The following SORCS3 variants were observed in gnomAD, a reference collection of about 807,000 sequenced individuals.
SORCS3 encodes VPS10 domain-containing receptor SorCS3.
In SORCS3, 57 loss-of-function variants were observed where a neutral mutation model predicts 146.3. That is an observed-to-expected ratio of 0.39 (90% CI 0.31 to 0.49). The LOEUF (loss-of-function observed/expected upper bound fraction) is 0.49, where lower values mean the gene tolerates loss of function less well. Ranked by LOEUF, SORCS3 falls within the 20% of genes least tolerant of loss-of-function variation. The probability of loss-of-function intolerance (pLI) is 0.92; values close to 1 mark genes in which losing one functional copy is unlikely to be tolerated. For missense variants in SORCS3, 1,341 were observed against 1,575.5 expected, an observed-to-expected ratio of 0.85 and a Z score of 2.52; for synonymous variants, 653 against 618.5, an observed-to-expected ratio of 1.06 and a Z score of -0.83.
At chr10:105,151,784 TAG>T (rs1420351323) in intron 9 of SORCS3, among the ~76,000 whole-genome samples, 1 of 152,146 alleles carries the variant, frequency 6.6e-6, no homozygotes, top group Non-Finnish European at 1.5e-5. Context: ...TCTCCTGCTG[TAG>T]AGAGATTCTC....
intron 7 of SORCS3, among the ~76,000 whole-genome samples, chr10:105,132,984 A>C (rs1315755562): frequency 1.3e-5 from 2 of 152,224 alleles, no homozygotes; most frequent in Admixed American, 6.5e-5. Flanking sequence ...ACTAAACTTT[A>C]TTTCTTTCTT....
At chr10:104,926,320 CA>C (rs1178299384) in intron 3 of SORCS3, among the ~76,000 whole-genome samples, 1 of 152,208 alleles carries the variant, frequency 6.6e-6, no homozygotes, top group Non-Finnish European at 1.5e-5. Flanking sequence ...TTTGTTAATT[CA>C]CAGCCATCTC....
chr10:104,836,842 C>T (rs2018074545), intron 1 of SORCS3, among the ~76,000 whole-genome samples: 1 of 152,050 alleles, frequency 6.6e-6, no homozygotes, highest in Non-Finnish European at 1.5e-5. Flanking sequence ...AACTAGAATG[C>T]TGCCCCTACC....
At chr10:104,751,959 A>ATATATATATG (rs2016992117) in intron 1 of SORCS3, among the ~76,000 whole-genome samples, 2 of 112,032 alleles carry the variant, frequency 1.8e-5, no homozygotes, top group African/African-American at 7.4e-5. Context: ...ATATATATAT[A>ATATATATATG]TATATATATA....
chr10:104,714,936 C>G (rs909910152), intron 1 of SORCS3, among the ~76,000 whole-genome samples: 1 of 152,112 alleles, frequency 6.6e-6, no homozygotes, highest in Admixed American at 6.5e-5. Context: ...GTCAAGAGGA[C>G]AGGGAGGAGC....
At chr10:105,009,527 C>CAAAAAAAAAAAAAAAAAAAAAAA (rs35368294) in intron 4 of SORCS3, among the ~76,000 whole-genome samples, 2 of 105,152 alleles carry the variant, frequency 1.9e-5, no homozygotes, top group African/African-American at 3.1e-5. Context: ...AACAAACAAA[C>CAAAAAAAAAAAAAAAAAAAAAAA]AAAAAAAAAA....
chr10:104,804,613 C>G (rs1193643479), intron 1 of SORCS3, among the ~76,000 whole-genome samples: 1 of 152,194 alleles, frequency 6.6e-6, no homozygotes, highest in East Asian at 1.9e-4. Context: ...ACCCATCAAC[C>G]AGGGCATAGT....
At chr10:105,133,309 A>G (rs1280770316) in intron 7 of SORCS3, among the ~76,000 whole-genome samples, 1 of 152,202 alleles carries the variant, frequency 6.6e-6, no homozygotes, top group Non-Finnish European at 1.5e-5. Flanking sequence ...CTGCTTAAGC[A>G]GATTAATTCC....
rs2133230825 is a variant in SORCS3 at position 104,641,484 on chromosome 10, C to A, written c.157C>A (p.Pro53Thr). 1 of 1,467,702 alleles carries A rather than the reference C, an allele frequency of 6.8e-7. No individual in the cohort carries two copies. Among genetic ancestry groups the A allele is most frequent in the Non-Finnish European group, 9.0e-7 (1 of 1,117,250 alleles). The allele number at this position is 1,467,702 out of a possible 1,614,324, so 90.9% of individuals were successfully genotyped here. ...PGRPAAPASRPPALSPLSPRA... is the reference protein window; with the variant it reads ...PGRPAAPASRTPALSPLSPRA... ...ACGCCCGGCGGCCCCGGCTTCGCGG[C>A]CACCGGCGTTGTCTCCACTCTCGCC... Residue 53 changes from proline to threonine, a missense_variant, in exon 1 of 27, where the codon CCA (proline) becomes ACA (threonine). Pro to Thr is a conservative substitution (Grantham distance 38, BLOSUM62 -1). Coordinates refer to ENST00000369701, the MANE Select transcript of SORCS3 (RefSeq NM_014978.3). The surrounding 1 kb of genome is among the most constrained non-coding windows in gnomAD (Gnocchi z 6.4).
intron 14 of SORCS3, among the ~76,000 whole-genome samples, chr10:105,184,547 C>T (rs984875310): frequency 5.3e-5 from 8 of 152,102 alleles, no homozygotes; most frequent in African/African-American, 1.7e-4. Flanking sequence ...ACATATTTCC[C>T]CTAGCTATAA....
intron 25 of SORCS3, among the ~76,000 whole-genome samples, chr10:105,260,387 T>C (rs1025409905): frequency 2.0e-5 from 3 of 152,236 alleles, no homozygotes; most frequent in Non-Finnish European, 4.4e-5. Context: ...TGTATTTTCA[T>C]TTATATAAAA....
intron 3 of SORCS3, among the ~76,000 whole-genome samples, chr10:104,929,645 A>C (rs2019185602): frequency 6.6e-6 from 1 of 152,298 alleles, no homozygotes; most frequent in African/African-American, 2.4e-5. Flanking sequence ...CTGGGCTTCA[A>C]GCTGGCCCCT....
At chr10:104,867,837 T>C (rs546454335) in intron 2 of SORCS3, among the ~76,000 whole-genome samples, 1 of 152,350 alleles carries the variant, frequency 6.6e-6, no homozygotes, top group Admixed American at 6.5e-5. Context: ...CTCATTTCAA[T>C]GTGGTACAGA....
chr10:105,089,897 TC>T, intron 6 of SORCS3, 58 bp downstream of exon 6: 3 of 1,367,462 alleles, frequency 2.2e-6, no homozygotes, highest in Non-Finnish European at 3.1e-6. Context: ...GTCTCTGTCC[TC>T]CCCCAATTTG....
intron 1 of SORCS3, among the ~76,000 whole-genome samples, chr10:104,776,102 G>C (rs1351617901): frequency 6.6e-6 from 1 of 152,148 alleles, no homozygotes; most frequent in African/African-American, 2.4e-5. Flanking sequence ...AGTATTATAG[G>C]TGCTAAGGAC....
At chr10:104,860,120 A>T (rs945661142) in intron 2 of SORCS3, among the ~76,000 whole-genome samples, 3 of 121,712 alleles carry the variant, frequency 2.5e-5, no homozygotes, top group Non-Finnish European at 3.5e-5. Flanking sequence ...ACATGCACAC[A>T]TATGTTTATT....
chr10:105,172,425 T>C (rs1427188265), intron 13 of SORCS3, among the ~76,000 whole-genome samples: 1 of 152,184 alleles, frequency 6.6e-6, no homozygotes, highest in African/African-American at 2.4e-5. Context: ...TTTAGAAGGG[T>C]CACATGGAAA....
At chr10:105,063,721 A>G (rs536561853) in intron 5 of SORCS3, among the ~76,000 whole-genome samples, 6 of 152,330 alleles carry the variant, frequency 3.9e-5, no homozygotes, top group African/African-American at 1.4e-4. Flanking sequence ...CACTTGGAGC[A>G]CTGTGGGGAT....
intron 14 of SORCS3, among the ~76,000 whole-genome samples, chr10:105,192,887 G>A (rs559528198): frequency 1.3e-5 from 2 of 152,272 alleles, no homozygotes; most frequent in African/African-American, 2.4e-5. Flanking sequence ...GCAGGCGAGA[G>A]TCAAGTAACC....
Sources: allele counts gnomAD v4.1 joint callset (sites outside exome capture counted in the v4.1 genomes callset), GRCh38; gene constraint gnomAD v4.1.1; non-coding constraint Gnocchi (gnomAD v3.1); transcripts MANE v1.5; gene names NCBI Gene and HGNC (gene_info 2026-07-23, HGNC 2026-07-21).